Variants in TMEM132D observed in about 807,000 individuals in gnomAD.
The protein encoded by TMEM132D is transmembrane protein 132D.
In TMEM132D, 21 loss-of-function variants were observed where a neutral mutation model predicts 62.3. The ratio of observed to expected loss-of-function variants is 0.34; its 90% CI spans 0.24 to 0.49. TMEM132D has a LOEUF of 0.49. Ranked by LOEUF, TMEM132D falls within the 20% of genes least tolerant of loss-of-function variation. The pLI is 0.99. For synonymous variants in TMEM132D, 621 were observed against 575.6 expected, an observed-to-expected ratio of 1.08 and a Z score of -1.13; for missense variants, 1,346 against 1,402.8, an observed-to-expected ratio of 0.96 and a Z score of 0.65.
intron 5 of TMEM132D, among the ~76,000 whole-genome samples, chr12:129,147,082 G>C (rs1876920734): frequency 6.6e-6 from 1 of 151,852 alleles, no homozygotes; most frequent in Middle Eastern, 3.2e-3. Context: ...AGAATACCTG[G>C]AGGCACTTGA....
intron 3 of TMEM132D, among the ~76,000 whole-genome samples, chr12:129,404,690 G>A (rs1871726885): frequency 6.6e-6 from 1 of 152,050 alleles, no homozygotes; most frequent in East Asian, 1.9e-4. Context: ...GGGGTGTAGG[G>A]GAGATGCCAT....
intron 1 of TMEM132D, among the ~76,000 whole-genome samples, chr12:129,735,000 A>G (rs1869379632): frequency 6.6e-6 from 1 of 152,224 alleles, no homozygotes; most frequent in South Asian, 2.1e-4. Flanking sequence ...AGATGCAGAA[A>G]TAAATAGGAA....
intron 2 of TMEM132D, among the ~76,000 whole-genome samples, chr12:129,561,272 A>G (rs1019270604): frequency 2.6e-5 from 4 of 152,172 alleles, no homozygotes; most frequent in African/African-American, 7.2e-5. Context: ...CACTCATCCA[A>G]CCAATATGAG....
In TMEM132D at chr12:129,657,618, TA is replaced by T. The variant is rs537275330; in HGVS notation, c.968+42191del. ...CAAGGCAACAATGCCTTGCAGTTTA[TA>T]AAAATGTACGGGTAAGTTAATGGCA... On this transcript the variant is annotated intron_variant, in intron 2 of 8. Transcript: ENST00000422113. Among the ~76,000 whole-genome samples the T allele has an allele frequency of 7.1e-4, 108 of 152,316 alleles. 1 individual carries two copies. Among genetic ancestry groups the T allele is most frequent in the African/African-American group, 2.5e-3 (103 of 41,568 alleles).
intron 1 of TMEM132D, among the ~76,000 whole-genome samples, chr12:129,788,386 G>A (rs929325202): frequency 4.6e-5 from 7 of 152,184 alleles, no homozygotes; most frequent in African/African-American, 1.7e-4. Flanking sequence ...AATGCATATT[G>A]TTTAGTTGCT....
intron 3 of TMEM132D, among the ~76,000 whole-genome samples, chr12:129,401,718 C>T (rs894241849): frequency 3.3e-5 from 5 of 152,164 alleles, no homozygotes; most frequent in African/African-American, 1.2e-4. Flanking sequence ...CCTCCAAGGT[C>T]ACAGAGATAA....
At chr12:129,415,067 G>C (rs1872075914) in intron 3 of TMEM132D, among the ~76,000 whole-genome samples, 1 of 152,128 alleles carries the variant, frequency 6.6e-6, no homozygotes, top group African/African-American at 2.4e-5. Context: ...ATCATCCACT[G>C]ATGGGCACCT....
chr12:129,725,078 A>G (rs1222096503), intron 1 of TMEM132D, among the ~76,000 whole-genome samples: 1 of 152,090 alleles, frequency 6.6e-6, no homozygotes, highest in Non-Finnish European at 1.5e-5. Flanking sequence ...CATTTGAGAT[A>G]AGTGTGCCCA....
At chr12:129,083,760 C>T (rs1874525789) in intron 6 of TMEM132D, among the ~76,000 whole-genome samples, 1 of 152,208 alleles carries the variant, frequency 6.6e-6, no homozygotes, top group South Asian at 2.1e-4. Flanking sequence ...GTCCCTAATA[C>T]ATGAATTCTT....
chr12:129,224,273 A>G (rs1264630060), intron 4 of TMEM132D, among the ~76,000 whole-genome samples: 2 of 151,914 alleles, frequency 1.3e-5, no homozygotes, highest in Non-Finnish European at 2.9e-5. Flanking sequence ...TGACCTTGCC[A>G]TTTTCCCGGG....
chr12:129,457,500 G>T (rs1200820869), intron 3 of TMEM132D, among the ~76,000 whole-genome samples: 2 of 150,738 alleles, frequency 1.3e-5, no homozygotes, highest in African/African-American at 4.9e-5. Flanking sequence ...TAAATGACGA[G>T]TTAATGGGTG....
intron 1 of TMEM132D, among the ~76,000 whole-genome samples, chr12:129,841,341 G>A (rs1260945862): frequency 6.6e-5 from 10 of 152,086 alleles, no homozygotes; most frequent in Non-Finnish European, 1.2e-4. Flanking sequence ...ATTGCCATAG[G>A]TGGTTGCTTC....
At chr12:129,522,708 C>T (rs982081476) in intron 3 of TMEM132D, 3 of 152,034 alleles carry the variant, frequency 2.0e-5, no homozygotes, top group African/African-American at 7.2e-5. Flanking sequence ...TGACAATGAA[C>T]ACCCATCAGA....
At chr12:129,321,588 A>T (rs191551827) in intron 4 of TMEM132D, among the ~76,000 whole-genome samples, 115 of 149,442 alleles carry the variant, frequency 7.7e-4, no homozygotes, top group African/African-American at 2.5e-3. Context: ...ACGGAGTCTC[A>T]CTCTTTCGCC....
At chr12:129,342,336 A>G (rs1403889409) in intron 3 of TMEM132D, among the ~76,000 whole-genome samples, 1 of 152,196 alleles carries the variant, frequency 6.6e-6, no homozygotes, top group Non-Finnish European at 1.5e-5. Flanking sequence ...AGGATTCCCT[A>G]TTTAATAAAT....
intron 4 of TMEM132D, among the ~76,000 whole-genome samples, chr12:129,270,496 G>A (rs80289883): frequency 0.021 from 3,224 of 152,256 alleles, 117 homozygotes; most frequent in African/African-American, 0.073. Flanking sequence ...AAAACAATGC[G>A]TGCCAATGTA....
intron 1 of TMEM132D, chr12:129,853,613 T>C (rs1873615314): frequency 6.6e-6 from 1 of 152,156 alleles, no homozygotes; most frequent in Admixed American, 6.5e-5. Context: ...ATGAATCCCA[T>C]GACACTTGGC....
intron 4 of TMEM132D, among the ~76,000 whole-genome samples, chr12:129,240,820 G>A (rs1437556708): frequency 1.3e-5 from 2 of 152,074 alleles, no homozygotes; most frequent in African/African-American, 4.8e-5. Flanking sequence ...CAGGTTTTCT[G>A]TCTCAGAGGA....
intron 4 of TMEM132D, among the ~76,000 whole-genome samples, chr12:129,211,643 T>C (rs1879051614): frequency 6.6e-6 from 1 of 152,230 alleles, no homozygotes; most frequent in Non-Finnish European, 1.5e-5. Flanking sequence ...GCTTTGGATG[T>C]AGCAATACAT....
Sources: allele counts gnomAD v4.1 joint callset (sites outside exome capture counted in the v4.1 genomes callset), GRCh38; gene constraint gnomAD v4.1.1; transcripts MANE v1.5; gene names NCBI Gene and HGNC (gene_info 2026-07-23, HGNC 2026-07-21).